STPG2: variants seen among roughly 807,000 people sequenced by gnomAD.
STPG2 encodes the protein sperm tail PG-rich repeat containing 2.
A neutral mutation model predicts 54.2 loss-of-function variants in STPG2; 56 were observed. The ratio of observed to expected loss-of-function variants is 1.03; its 90% CI spans 0.83 to 1.29. STPG2 has a LOEUF of 1.29. Among genes scored for constraint, STPG2 ranks in the 50% most tolerant of loss-of-function variants. STPG2 has a pLI of 0.00. For synonymous variants in STPG2, 200 were observed against 181.8 expected (o/e 1.10, Z -0.81); for missense variants, 596 against 544.9 (o/e 1.09, Z -0.93).
intron 3 of STPG2, among the ~76,000 whole-genome samples, chr4:98,122,599 T>G (rs1296729933): frequency 6.6e-6 from 1 of 152,216 alleles, no homozygotes; most frequent in Non-Finnish European, 1.5e-5. Context: ...TTTTGAGGAT[T>G]TTTTGCATCA....
intron 8 of STPG2, among the ~76,000 whole-genome samples, chr4:97,896,071 G>T (rs1373582399): frequency 6.6e-6 from 1 of 151,808 alleles, no homozygotes; most frequent in Non-Finnish European, 1.5e-5. Flanking sequence ...GTCATCTCCT[G>T]CAGGAAGGCT....
At chr4:97,548,149 T>TCAAAA (rs77639854) in intron 4 of STPG2, among the ~76,000 whole-genome samples, 72,405 of 150,500 alleles carry the variant, frequency 0.48, 18,165 homozygotes, top group South Asian at 0.63. Flanking sequence ...AAACTCTGTC[T>TCAAAA]CAAAACAAAA....
chr4:97,634,688 A>G (rs1411535268), intron 10 of STPG2, among the ~76,000 whole-genome samples: 1 of 152,092 alleles, frequency 6.6e-6, no homozygotes, highest in African/African-American at 2.4e-5. Flanking sequence ...AACTAGGTGA[A>G]GAATGCAGAA....
In STPG2 at chr4:97,704,168, G is replaced by C. The variant is rs528860711; in HGVS notation, c.1320+8531C>G. 4.6e-5 allele frequency among the ~76,000 whole-genome samples: 7 copies of C among 152,146 alleles called. No homozygotes were observed. In the South Asian group the frequency reaches 1.5e-3, roughly 32 times the overall value. The stretch of plus-strand genomic sequence containing the variant: ...ACCCTAACAGACACACCCAGGATCA[G>C]TATTTTGAATACTCTGTATCCTTCA... On this transcript the variant is annotated intron_variant, in intron 10 of 10. Transcript: ENST00000295268.
At position 97,808,055 on chromosome 4, in the gene STPG2, G is replaced by A. The variant is rs1017019506; in HGVS notation, c.1204+32718C>T. On this transcript the variant is annotated intron_variant, in intron 9 of 10. Coordinates refer to ENST00000295268, the MANE Select transcript of STPG2 (RefSeq NM_174952.3). ...AACATATAATTCTAAATCCAAAAATGCATTTTTAAATATTTTAGACACAAT... is the reference window on the plus strand; with the variant it reads ...AACATATAATTCTAAATCCAAAAATACATTTTTAAATATTTTAGACACAAT... 6.6e-5 allele frequency among the ~76,000 whole-genome samples: 10 copies of A among 152,034 alleles called. No individual in the cohort carries two copies. The East Asian group carries it at 1.9e-3, about 29-fold the overall frequency.
intron 4 of STPG2, among the ~76,000 whole-genome samples, chr4:97,490,374 A>G (rs1180123960): frequency 6.6e-6 from 1 of 151,470 alleles, no homozygotes; most frequent in Non-Finnish European, 1.5e-5. Context: ...AGCCATTGGC[A>G]ATATTAATTA....
intron 4 of STPG2, among the ~76,000 whole-genome samples, chr4:97,497,999 G>C (rs1016047098): frequency 6.6e-6 from 1 of 151,876 alleles, no homozygotes; most frequent in African/African-American, 2.4e-5. Flanking sequence ...GCAGGAAGTG[G>C]AACAGGAACA....
chr4:98,086,565 C>T (rs1738520601), intron 5 of STPG2, among the ~76,000 whole-genome samples: 1 of 149,972 alleles, frequency 6.7e-6, no homozygotes, highest in Non-Finnish European at 1.5e-5. Context: ...TATCTAAATT[C>T]TCACTACCTG....
At chr4:97,725,174 T>C (rs1560503208) in intron 9 of STPG2, among the ~76,000 whole-genome samples, 2 of 152,026 alleles carry the variant, frequency 1.3e-5, no homozygotes, top group Non-Finnish European at 1.5e-5. Flanking sequence ...CATCCTAAAG[T>C]CCACTAATAA....
At chr4:97,815,830 A>G (rs1480350615) in intron 9 of STPG2, among the ~76,000 whole-genome samples, 2 of 152,166 alleles carry the variant, frequency 1.3e-5, no homozygotes, top group Non-Finnish European at 2.9e-5. Context: ...GACTTGTGAT[A>G]GCTAATTTCA....
chr4:97,609,700 T>C (rs1463542593), intron 10 of STPG2, among the ~76,000 whole-genome samples: 2 of 151,948 alleles, frequency 1.3e-5, no homozygotes, highest in African/African-American at 2.4e-5. Context: ...ATAATTTCCA[T>C]ATATTTCGAA....
At chr4:97,918,944 G>A (rs973650613) in intron 8 of STPG2, among the ~76,000 whole-genome samples, 5 of 152,088 alleles carry the variant, frequency 3.3e-5, no homozygotes, top group African/African-American at 1.2e-4. Context: ...AACACCACCT[G>A]TTCCCCAAAA....
chr4:97,953,174 A>G (rs531044949), intron 7 of STPG2, among the ~76,000 whole-genome samples: 26 of 152,260 alleles, frequency 1.7e-4, no homozygotes, highest in African/African-American at 5.8e-4. Flanking sequence ...GGCCCCAGTG[A>G]GCATCAGAGG....
chr4:97,662,334 T>G (rs1193251717), intron 10 of STPG2, among the ~76,000 whole-genome samples: 1 of 151,970 alleles, frequency 6.6e-6, no homozygotes, highest in Non-Finnish European at 1.5e-5. Context: ...TAAGATACCA[T>G]CTCACATGAG....
intron 8 of STPG2, among the ~76,000 whole-genome samples, chr4:97,878,070 C>T (rs1340412638): frequency 1.3e-5 from 2 of 152,184 alleles, no homozygotes; most frequent in Admixed American, 1.3e-4. Flanking sequence ...CCAAAATGAT[C>T]TCCTTTGACT....
intron 8 of STPG2, among the ~76,000 whole-genome samples, chr4:97,867,767 C>T (rs1729845858): frequency 6.6e-6 from 1 of 151,994 alleles, no homozygotes; most frequent in Non-Finnish European, 1.5e-5. Context: ...GTGGTTGATT[C>T]TCATGATTGC....
At chr4:98,093,020 A>C (rs914454787) in intron 5 of STPG2, among the ~76,000 whole-genome samples, 3 of 152,182 alleles carry the variant, frequency 2.0e-5, no homozygotes, top group Non-Finnish European at 4.4e-5. Flanking sequence ...TATGTCAATA[A>C]AGAGCCAAAG....
intron 9 of STPG2, among the ~76,000 whole-genome samples, chr4:97,757,335 C>T (rs549982367): frequency 6.6e-6 from 1 of 152,162 alleles, no homozygotes; most frequent in African/African-American, 2.4e-5. Context: ...ATTAAGCTTA[C>T]TTCAACCACA....
intron 10 of STPG2, among the ~76,000 whole-genome samples, chr4:97,709,118 G>A (rs1236089361): frequency 6.6e-6 from 1 of 151,612 alleles, no homozygotes; most frequent in Admixed American, 6.6e-5. Flanking sequence ...TTCATCAAAA[G>A]AATTTCAAAG....
Sources: allele counts gnomAD v4.1 joint callset (sites outside exome capture counted in the v4.1 genomes callset), GRCh38; gene constraint gnomAD v4.1.1; transcripts MANE v1.5; gene names NCBI Gene and HGNC (gene_info 2026-07-23, HGNC 2026-07-21).